IGF2BP3: variants seen among roughly 807,000 people sequenced by gnomAD.
IGF2BP3 encodes the protein insulin like growth factor 2 mRNA binding protein 3, also known as insulin-like growth factor 2 mRNA-binding protein 3.
IGF2BP3 carries 9 observed loss-of-function variants against 73.8 expected under a neutral mutation model. The observed-to-expected ratio is 0.12, with a 90% CI of 0.07 to 0.21. IGF2BP3 has a LOEUF of 0.21. Among genes scored for constraint, IGF2BP3 ranks in the 10% least tolerant of loss-of-function variants. The pLI, the probability that IGF2BP3 is intolerant of heterozygous loss-of-function variation, is 1.00. For synonymous variants in IGF2BP3, 258 were observed against 256.7 expected, an observed-to-expected ratio of 1.01 and a Z score of -0.05; for missense variants, 542 against 714.0, an observed-to-expected ratio of 0.76 and a Z score of 2.75.
chr7:23,334,722 AAC>A (rs1319706933), intron 10 of IGF2BP3, among the ~76,000 whole-genome samples: 1 of 152,250 alleles, frequency 6.6e-6, no homozygotes, highest in Admixed American at 6.5e-5. Flanking sequence ...GGCTTGAAAT[AAC>A]AGAAGAACAA....
intron 2 of IGF2BP3, among the ~76,000 whole-genome samples, chr7:23,424,972 C>T (rs556220226): frequency 1.3e-5 from 2 of 152,146 alleles, no homozygotes; most frequent in Non-Finnish European, 2.9e-5. Flanking sequence ...GTACCAAGTC[C>T]CCCTTACGTA....
At chr7:23,423,303 C>A (rs1339513821) in intron 2 of IGF2BP3, among the ~76,000 whole-genome samples, 1 of 152,228 alleles carries the variant, frequency 6.6e-6, no homozygotes, top group African/African-American at 2.4e-5. Flanking sequence ...AAATCTATCT[C>A]AGTCAGCTAC....
chr7:23,440,134 G>A lies in IGF2BP3; in HGVS notation c.237-21310C>T, dbSNP rs570299525. Among the ~76,000 whole-genome samples the A allele has an allele frequency of 3.9e-5, 6 of 152,254 alleles. No individual in the cohort carries two copies. In the East Asian group the frequency reaches 7.7e-4, roughly 20 times the overall value. ...AAAAATTAGCTGGGTGTGGTGGCAC[G>A]CGCCTGCAGTCCCAGCTACTCGGGA... On this transcript the variant is annotated intron_variant, in intron 2 of 14. Transcript: ENST00000258729.
chr7:23,312,659 T>C (rs1467248705), intron 14 of IGF2BP3, 76 bp downstream of exon 14: 22 of 1,081,812 alleles, frequency 2.0e-5, no homozygotes, highest in Non-Finnish European at 3.1e-5. Context: ...TAACTAATTC[T>C]ATCAGGTAGG....
At chr7:23,337,420 G>A (rs1436477891) in intron 10 of IGF2BP3, among the ~76,000 whole-genome samples, 1 of 152,240 alleles carries the variant, frequency 6.6e-6, no homozygotes, top group African/African-American at 2.4e-5. Flanking sequence ...GAACTTAAAA[G>A]CTTGCTTCCT....
In IGF2BP3 at chr7:23,318,984, T is replaced by C. The variant is rs978544151; in HGVS notation, c.1320+154A>G. On this transcript the variant is annotated intron_variant, in intron 11 of 14. Coordinates refer to ENST00000258729, the MANE Select transcript of IGF2BP3 (RefSeq NM_006547.3). ...TTCTGCACAGAGAAGTTAGCCTCCTTGGTGTAAGCCACTGTTGTTTGGGGG... is the reference window on the plus strand; with the variant it reads ...TTCTGCACAGAGAAGTTAGCCTCCTCGGTGTAAGCCACTGTTGTTTGGGGG... 5.3e-5 allele frequency among the ~76,000 whole-genome samples: 8 copies of C among 152,248 alleles called. 1 individual carries two copies. The East Asian group carries it at 1.3e-3, about 26-fold the overall frequency.
intron 3 of IGF2BP3, among the ~76,000 whole-genome samples, chr7:23,384,044 C>T (rs1212117379): frequency 7.1e-6 from 1 of 141,032 alleles, no homozygotes; most frequent in Non-Finnish European, 1.5e-5. Flanking sequence ...TGCAGTGAGC[C>T]GAGATTGTGC....
intron 8 of IGF2BP3, among the ~76,000 whole-genome samples, chr7:23,345,167 C>T (rs919943065): frequency 1.3e-5 from 2 of 152,214 alleles, no homozygotes; most frequent in African/African-American, 4.8e-5. Flanking sequence ...TCTTTTCCCA[C>T]CTTTTTGAGT....
intron 10 of IGF2BP3, among the ~76,000 whole-genome samples, chr7:23,340,892 C>T (rs1261167207): frequency 1.3e-5 from 2 of 150,402 alleles, no homozygotes; most frequent in African/African-American, 4.9e-5. Flanking sequence ...CTCTGTCGCC[C>T]AGGCTGGAGT....
chr7:23,343,004 C>T (rs1784749151), intron 9 of IGF2BP3, among the ~76,000 whole-genome samples: 1 of 151,928 alleles, frequency 6.6e-6, no homozygotes, highest in African/African-American at 2.4e-5. Flanking sequence ...AGATGACTGG[C>T]CCAATTGAAA....
chr7:23,400,919 C>T (rs1046347976), intron 3 of IGF2BP3, among the ~76,000 whole-genome samples: 1 of 152,222 alleles, frequency 6.6e-6, no homozygotes, highest in Non-Finnish European at 1.5e-5. Context: ...CGTGCCTCAG[C>T]CTCCCGAGTA....
At chr7:23,449,380 G>C (rs2128547795) in intron 2 of IGF2BP3, among the ~76,000 whole-genome samples, 1 of 151,822 alleles carries the variant, frequency 6.6e-6, no homozygotes, top group East Asian at 2.0e-4. Flanking sequence ...AGCCGGGTGT[G>C]GTGGTGGGCG....
intron 3 of IGF2BP3, 125 bp from the exon 4 acceptor site, chr7:23,361,866 T>C: frequency 2.7e-6 from 2 of 739,318 alleles, no homozygotes; most frequent in Non-Finnish European, 4.4e-6. Context: ...TCTGGGGCTT[T>C]GGACTGCAGA....
intron 8 of IGF2BP3, among the ~76,000 whole-genome samples, chr7:23,344,949 AT>A (rs1784795177): frequency 6.6e-6 from 1 of 152,182 alleles, no homozygotes; most frequent in Non-Finnish European, 1.5e-5. Context: ...AACTTTTGAG[AT>A]TTTTTTCTTT....
At chr7:23,320,831 C>G (rs1326691839) in intron 10 of IGF2BP3, among the ~76,000 whole-genome samples, 1 of 150,782 alleles carries the variant, frequency 6.6e-6, no homozygotes, top group Admixed American at 6.6e-5. Context: ...GCCTGTGGTC[C>G]CAGATACTCA....
intron 3 of IGF2BP3, among the ~76,000 whole-genome samples, chr7:23,398,057 C>T (rs1786533887): frequency 8.1e-6 from 1 of 124,092 alleles, no homozygotes; most frequent in African/African-American, 3.0e-5. Flanking sequence ...AATGCTATCC[C>T]TCCCCCCGCC....
chr7:23,326,154 C>T lies in IGF2BP3; in HGVS notation c.1204-6900G>A, dbSNP rs368106858. On this transcript the variant is annotated intron_variant, in intron 10 of 14. Coordinates refer to ENST00000258729, the MANE Select transcript of IGF2BP3 (RefSeq NM_006547.3). ...AACCTACAGAATGGGAGAAAATTTT[C>T]GCAACCTACTCATCTGACAAAGGGT... Among the ~76,000 whole-genome samples the T allele has an allele frequency of 3.9e-5, 6 of 152,114 alleles. No homozygotes were observed. In the East Asian group the frequency reaches 5.8e-4, roughly 15 times the overall value.
At chr7:23,346,716 C>T (rs984426382) in intron 7 of IGF2BP3, among the ~76,000 whole-genome samples, 52 of 151,912 alleles carry the variant, frequency 3.4e-4, no homozygotes, top group Admixed American at 3.1e-3. Flanking sequence ...CCTCAGCCTC[C>T]CAAGTGGCTG....
intron 10 of IGF2BP3, among the ~76,000 whole-genome samples, chr7:23,336,818 C>T (rs1784585550): frequency 6.6e-6 from 1 of 152,018 alleles, no homozygotes; most frequent in Non-Finnish European, 1.5e-5. Context: ...CATGGTGCTG[C>T]GCACTTGTAA....
Sources: allele counts gnomAD v4.1 joint callset (sites outside exome capture counted in the v4.1 genomes callset), GRCh38; gene constraint gnomAD v4.1.1; transcripts MANE v1.5; gene names NCBI Gene and HGNC (gene_info 2026-07-23, HGNC 2026-07-21).